Variants in GPC5 observed in about 807,000 individuals in gnomAD.
GPC5 encodes the protein glypican-5.
Under a neutral mutation model 53.9 loss-of-function variants are expected in GPC5, and 47 were observed. The ratio of observed to expected loss-of-function variants is 0.87; its 90% CI spans 0.69 to 1.11. GPC5 has a LOEUF of 1.11. GPC5 is among the 50% of genes most tolerant of loss of function. GPC5 has a pLI of 0.00. For synonymous variants in GPC5, 286 were observed against 263.3 expected, an observed-to-expected ratio of 1.09 and a Z score of -0.84; for missense variants, 748 against 713.1, an observed-to-expected ratio of 1.05 and a Z score of -0.56.
chr13:92,252,564 C>T (rs769528733), intron 7 of GPC5, among the ~76,000 whole-genome samples: 1 of 151,892 alleles, frequency 6.6e-6, no homozygotes, highest in African/African-American at 2.4e-5. Context: ...AGTAAAAATA[C>T]ATCTATAGAT....
chr13:91,676,968 G>C (rs1425443636), intron 2 of GPC5, among the ~76,000 whole-genome samples: 3 of 152,178 alleles, frequency 2.0e-5, no homozygotes, highest in African/African-American at 7.2e-5. Flanking sequence ...ACTATATATG[G>C]ATAGGGAACA....
chr13:91,769,185 C>A (rs1332092), intron 5 of GPC5, among the ~76,000 whole-genome samples: 47,935 of 152,072 alleles, frequency 0.32, 9,164 homozygotes, highest in East Asian at 0.64. Context: ...GGTAGAATTC[C>A]ATCCTCTTCT....
intron 5 of GPC5, among the ~76,000 whole-genome samples, chr13:91,878,621 C>T (rs1388683593): frequency 6.6e-6 from 1 of 152,078 alleles, no homozygotes; most frequent in Non-Finnish European, 1.5e-5. Context: ...TGTCCCTATG[C>T]TGCTGGTCTT....
chr13:91,832,867 G>T (rs2038678429), intron 5 of GPC5, among the ~76,000 whole-genome samples: 1 of 152,012 alleles, frequency 6.6e-6, no homozygotes, highest in African/African-American at 2.4e-5. Flanking sequence ...TCAAAAGCTA[G>T]CAGGAGGCAA....
intron 7 of GPC5, among the ~76,000 whole-genome samples, chr13:92,530,218 T>TA (rs61037899): frequency 0.99 from 150,444 of 152,304 alleles, 74,334 homozygotes; most frequent in East Asian, 1. Flanking sequence ...TATTATATAA[T>TA]AAACACACAA....
chr13:92,785,699 A>G (rs904908974), intron 7 of GPC5, among the ~76,000 whole-genome samples: 1 of 152,230 alleles, frequency 6.6e-6, no homozygotes, highest in Non-Finnish European at 1.5e-5. Context: ...TATCCAGGAC[A>G]GCGTCTAGGA....
At chr13:91,838,981 T>C (rs1179423044) in intron 5 of GPC5, among the ~76,000 whole-genome samples, 1 of 148,532 alleles carries the variant, frequency 6.7e-6, no homozygotes, top group Non-Finnish European at 1.5e-5. Context: ...TCAAGGTTTT[T>C]GTTAAGGATA....
At chr13:92,001,548 TG>T (rs2040554997) in intron 6 of GPC5, among the ~76,000 whole-genome samples, 1 of 152,168 alleles carries the variant, frequency 6.6e-6, no homozygotes, top group Admixed American at 6.5e-5. Context: ...GCAGGTATGC[TG>T]ATATTAGTAC....
chr13:92,047,255 G>A lies in GPC5; in HGVS notation c.1402-97575G>A, dbSNP rs532392956. 9.2e-5 allele frequency among the ~76,000 whole-genome samples: 14 copies of A among 152,098 alleles called. No homozygotes were observed. In the South Asian group the frequency reaches 2.3e-3, roughly 25 times the overall value. On this transcript the variant is annotated intron_variant, in intron 6 of 7. Coordinates refer to ENST00000377067, the MANE Select transcript of GPC5 (RefSeq NM_004466.6). ...CATTTTTTTTATAACAAAATAGATT[G>A]CAAAAACAACATTAATTAAATCATC...
intron 2 of GPC5, among the ~76,000 whole-genome samples, chr13:91,643,763 C>T (rs1324487617): frequency 1.3e-5 from 2 of 152,088 alleles, no homozygotes; most frequent in Non-Finnish European, 2.9e-5. Flanking sequence ...ACATGGCCTC[C>T]CCCCTGTGTA....
At chr13:92,328,019 A>T (rs1226153589) in intron 7 of GPC5, among the ~76,000 whole-genome samples, 1 of 152,136 alleles carries the variant, frequency 6.6e-6, no homozygotes, top group Non-Finnish European at 1.5e-5. Context: ...CTTTTTGGAA[A>T]TGTTACTGTG....
chr13:92,311,093 T>C (rs2043142085), intron 7 of GPC5, among the ~76,000 whole-genome samples: 1 of 152,164 alleles, frequency 6.6e-6, no homozygotes, highest in Non-Finnish European at 1.5e-5. Context: ...CTTTATATCT[T>C]TTATGGAAAA....
rs530762211 is a variant in GPC5, at chr13:92,288,054, G to A, written c.1561+143065G>A. Among the ~76,000 whole-genome samples the A allele has an allele frequency of 1.9e-4, 29 of 151,336 alleles. No homozygotes were observed. In the South Asian group the frequency reaches 3.3e-3, roughly 17 times the overall value. On this transcript the variant is annotated intron_variant, in intron 7 of 7. Transcript: ENST00000377067. ...ATCTCCAGGAATTTTTTTATCTATC[G>A]CACTTTTCAGCTCTATTATATCTAT...
chr13:92,685,563 T>TTTTTTTTTAATTG (rs1887245689), intron 7 of GPC5, among the ~76,000 whole-genome samples: 1 of 138,596 alleles, frequency 7.2e-6, no homozygotes, highest in African/African-American at 2.8e-5. Context: ...TTTTTTAATT[T>TTTTTTTTTAATTG]TTTTTTTTTT....
intron 2 of GPC5, among the ~76,000 whole-genome samples, chr13:91,560,601 T>C (rs2031203438): frequency 6.6e-6 from 1 of 152,068 alleles, no homozygotes. Flanking sequence ...GAGTATAGCT[T>C]CATTTGTCAA....
intron 6 of GPC5, among the ~76,000 whole-genome samples, chr13:91,927,166 G>A (rs2039777304): frequency 6.6e-6 from 1 of 152,096 alleles, no homozygotes; most frequent in South Asian, 2.1e-4. Flanking sequence ...AATTACATTT[G>A]AAATACTAGT....
At chr13:92,298,706 T>A (rs2043055155) in intron 7 of GPC5, among the ~76,000 whole-genome samples, 1 of 152,122 alleles carries the variant, frequency 6.6e-6, no homozygotes, top group South Asian at 2.1e-4. Flanking sequence ...AGCAATCTGC[T>A]TCCTTTAGGG....
intron 7 of GPC5, among the ~76,000 whole-genome samples, chr13:92,210,287 G>C (rs1017054303): frequency 1.3e-5 from 2 of 152,096 alleles, no homozygotes; most frequent in African/African-American, 4.8e-5. Flanking sequence ...CAAAGTTGTA[G>C]TATATTTCTT....
At chr13:92,748,374 C>T (rs1257500513) in intron 7 of GPC5, among the ~76,000 whole-genome samples, 1 of 149,732 alleles carries the variant, frequency 6.7e-6, no homozygotes, top group Non-Finnish European at 1.5e-5. Context: ...CGCTCTGTCA[C>T]CCAGGCTGGA....
Sources: allele counts gnomAD v4.1 joint callset (sites outside exome capture counted in the v4.1 genomes callset), GRCh38; gene constraint gnomAD v4.1.1; transcripts MANE v1.5; gene names NCBI Gene and HGNC (gene_info 2026-07-23, HGNC 2026-07-21).